The following PCDH15 variants were observed in gnomAD, a reference collection of about 807,000 sequenced individuals.
PCDH15 encodes protocadherin related 15, also known as protocadherin-15.
In PCDH15, 129 loss-of-function variants were observed where a neutral mutation model predicts 178.5. The ratio of observed to expected loss-of-function variants is 0.72; its 90% CI spans 0.63 to 0.84. PCDH15 has a LOEUF of 0.84. Among genes scored for constraint, PCDH15 ranks in the 40% least tolerant of loss-of-function variants. The pLI is 0.00. For synonymous variants in PCDH15, 800 were observed against 732.0 expected (o/e 1.09, Z -1.50); for missense variants, 2,230 against 2,099.9 (o/e 1.06, Z -1.21).
chr10:54,871,240 A>T (rs752842926), intron 3 of PCDH15, among the ~76,000 whole-genome samples: 1 of 152,198 alleles, frequency 6.6e-6, no homozygotes, highest in Non-Finnish European at 1.5e-5. Flanking sequence ...CTGCCTGACA[A>T]TAAGGAAAAA....
chr10:54,170,583 C>T (rs1040259594), intron 13 of PCDH15, among the ~76,000 whole-genome samples: 1 of 151,144 alleles, frequency 6.6e-6, no homozygotes, highest in Admixed American at 6.6e-5. Flanking sequence ...CCCACAATTA[C>T]CGTCGTTCTT....
At chr10:55,330,298 C>T (rs897473190) in intron 2 of PCDH15, among the ~76,000 whole-genome samples, 9 of 151,716 alleles carry the variant, frequency 5.9e-5, no homozygotes, top group African/African-American at 1.5e-4. Context: ...ATATTTGCCT[C>T]GCTTTTGACA....
intron 2 of PCDH15, among the ~76,000 whole-genome samples, chr10:55,515,565 A>T (rs1840993251): frequency 6.6e-6 from 1 of 151,628 alleles, no homozygotes; most frequent in South Asian, 2.1e-4. Context: ...ATTATCTTTA[A>T]ATTAATTAAT....
chr10:55,560,907 T>C (rs1706703476), intron 2 of PCDH15, among the ~76,000 whole-genome samples: 1 of 151,806 alleles, frequency 6.6e-6, no homozygotes, highest in Admixed American at 6.6e-5. Flanking sequence ...AAGAGTAACT[T>C]TTGTTGCAAA....
intron 21 of PCDH15, among the ~76,000 whole-genome samples, chr10:53,975,064 T>C (rs879685616): frequency 2.3e-4 from 35 of 152,260 alleles, no homozygotes; most frequent in Middle Eastern, 6.8e-3. Context: ...TTAATTCACT[T>C]GGTATAATTG....
At chr10:54,669,472 A>G (rs1454459779) in intron 1 of PCDH15, among the ~76,000 whole-genome samples, 2 of 151,320 alleles carry the variant, frequency 1.3e-5, no homozygotes, top group African/African-American at 4.9e-5. Flanking sequence ...ATTTATATAA[A>G]GAAGTATATA....
intron 3 of PCDH15, among the ~76,000 whole-genome samples, chr10:54,433,272 G>T (rs1407239080): frequency 6.6e-6 from 1 of 152,084 alleles, no homozygotes; most frequent in East Asian, 1.9e-4. Context: ...GCACTCCCTT[G>T]TTTGGCCAGC....
chr10:54,980,920 T>G lies in PCDH15; in HGVS notation c.-79-83420A>C, dbSNP rs7922979. On this transcript the variant is annotated intron_variant, in intron 2 of 5. Coordinates refer to the PCDH15 transcript ENST00000458638. ...CTACCTGATTTTCATAGAAAATTGC[T>G]CACAGAAAGAAAGTGAACTTTCTTT... 5.1e-3 allele frequency among the ~76,000 whole-genome samples: 774 copies of G among 152,124 alleles called. 4 individuals carry two copies. Among genetic ancestry groups the G allele is most frequent in the African/African-American group, 0.018 (744 of 41,526 alleles).
At position 55,600,189 on chromosome 10, in the gene PCDH15, C is replaced by G. The variant is rs796534319; in HGVS notation, c.-156+27436G>C. On this transcript the variant is annotated intron_variant, in intron 2 of 5. Transcript: ENST00000613346. ...ACCATCCTGGCTAACATAGTAAAAC[C>G]CTGTATCTACTAAAAATACAAAAAA... 42 of 239,854 alleles carry G rather than the reference C, an allele frequency of 1.8e-4. 1 individual carries two copies. The South Asian group carries it at 3.2e-3, about 18-fold the overall frequency. 14.9% of individuals were successfully genotyped at this position (239,854 alleles called of 1,614,324 possible).
At chr10:55,306,296 A>G (rs1843423343) in intron 1 of PCDH15, among the ~76,000 whole-genome samples, 1 of 152,244 alleles carries the variant, frequency 6.6e-6, no homozygotes, top group Non-Finnish European at 1.5e-5. Context: ...ATTTCCTAGA[A>G]TGAAAACATA....
At position 54,470,403 on chromosome 10, in the gene PCDH15, G is replaced by T. The variant is rs144562628; in HGVS notation, c.157+57409C>A. Among the ~76,000 whole-genome samples, 258 of 152,258 alleles carry T rather than the reference G, an allele frequency of 1.7e-3. 2 individuals carry two copies. The highest frequency in any genetic ancestry group is 5.6e-3 in the African/African-American group (233 of 41,560). On this transcript the variant is annotated intron_variant, in intron 3 of 37. Transcript: ENST00000644397. Reference sequence around the variant, plus strand: ...CCACCAGTGGTGCCTGGCTGCAGGTGGGGGAGGTCAGTGGCGTTCTAGGAA... The same window carrying T: ...CCACCAGTGGTGCCTGGCTGCAGGTTGGGGAGGTCAGTGGCGTTCTAGGAA...
intron 10 of PCDH15, 65 bp downstream of exon 10, chr10:54,213,871 C>T (rs999120491): frequency 5.2e-5 from 53 of 1,028,280 alleles, no homozygotes; most frequent in Admixed American, 1.2e-4. Context: ...CCTACAGTAG[C>T]GTCTACAGAT....
intron 13 of PCDH15, among the ~76,000 whole-genome samples, chr10:54,173,002 T>C (rs757857722): frequency 2.0e-5 from 3 of 152,176 alleles, no homozygotes; most frequent in Non-Finnish European, 2.9e-5. Context: ...ATATAAAATC[T>C]AAATATTCTG....
At chr10:55,184,743 T>G (rs1839749525) in intron 1 of PCDH15, among the ~76,000 whole-genome samples, 1 of 151,932 alleles carries the variant, frequency 6.6e-6, no homozygotes, top group South Asian at 2.1e-4. Flanking sequence ...TTAAATCAAA[T>G]GACTTTTCCT....
At chr10:55,499,226 GT>G (rs1202652187) in intron 2 of PCDH15, among the ~76,000 whole-genome samples, 3 of 151,826 alleles carry the variant, frequency 2.0e-5, no homozygotes, top group African/African-American at 7.2e-5. Context: ...ATAACTACAT[GT>G]TTTAAGTTGC....
At chr10:55,158,686 T>G (rs541336119) in intron 2 of PCDH15, among the ~76,000 whole-genome samples, 7 of 101,234 alleles carry the variant, frequency 6.9e-5, no homozygotes, top group African/African-American at 2.1e-4. Context: ...ATTCAATTTG[T>G]TCTAAGTAAA....
chr10:55,529,729 G>A (rs1841400280), intron 2 of PCDH15, among the ~76,000 whole-genome samples: 1 of 108,556 alleles, frequency 9.2e-6, no homozygotes, highest in Non-Finnish European at 1.8e-5. Flanking sequence ...ATATATATGT[G>A]TTTGTCTGTG....
At chr10:53,957,338 T>C (rs1276417540) in intron 23 of PCDH15, among the ~76,000 whole-genome samples, 1 of 152,104 alleles carries the variant, frequency 6.6e-6, no homozygotes, top group Non-Finnish European at 1.5e-5. Context: ...AAAGTGAGTT[T>C]ATATCCGTCC....
chr10:54,936,722 T>C (rs1837916552), intron 2 of PCDH15, among the ~76,000 whole-genome samples: 1 of 151,496 alleles, frequency 6.6e-6, no homozygotes, highest in South Asian at 2.1e-4. Context: ...TATTGTTTTT[T>C]TTTTTAGTTT....
Sources: allele counts gnomAD v4.1 joint callset (sites outside exome capture counted in the v4.1 genomes callset), GRCh38; gene constraint gnomAD v4.1.1; transcripts MANE v1.5; gene names NCBI Gene and HGNC (gene_info 2026-07-23, HGNC 2026-07-21).